CPNE7: variants seen among roughly 807,000 people sequenced by gnomAD.
CPNE7 encodes the protein copine-7.
In CPNE7, 78 loss-of-function variants were observed where a neutral mutation model predicts 66.5. The observed-to-expected ratio is 1.17, with a 90% CI of 0.98 to 1.42. The LOEUF is 1.42. Among genes scored for constraint, CPNE7 ranks in the 40% most tolerant of loss-of-function variants. CPNE7 has a pLI of 0.00. For missense variants in CPNE7, 1,012 were observed against 776.6 expected, an observed-to-expected ratio of 1.30 and a Z score of -3.60; for synonymous variants, 468 against 336.7, an observed-to-expected ratio of 1.39 and a Z score of -4.27.
chr16:89,582,868 C>G (rs2058976266), intron 2 of CPNE7, among the ~76,000 whole-genome samples: 1 of 152,266 alleles, frequency 6.6e-6, no homozygotes, highest in South Asian at 2.1e-4. Context: ...TCGATGGTTG[C>G]TGAGATCACT....
chr16:89,587,919 C>T (rs113434973), intron 9 of CPNE7, among the ~76,000 whole-genome samples: 50 of 39,400 alleles, frequency 1.3e-3, no homozygotes, highest in East Asian at 3.0e-3. Context: ...GCCCCCGTGT[C>T]ACCCGCGTGT....
chr16:89,587,759 G>GCGTGTCACCCACAGAAACACGGCCCC (rs1425079336), intron 9 of CPNE7: 1 of 43,030 alleles, frequency 2.3e-5, no homozygotes, highest in Admixed American at 2.0e-4. Context: ...CGTGTCACCC[G>GCGTGTCACCCACAGAAACACGGCCCC]CGTGTCACCC....
chr16:89,588,366 C>A (rs1261995274), intron 9 of CPNE7, among the ~76,000 whole-genome samples: 1 of 152,198 alleles, frequency 6.6e-6, no homozygotes, highest in African/African-American at 2.4e-5. Flanking sequence ...TTAGGCCCTG[C>A]CGGGGAGGGT....
At chr16:89,586,900 G>A in intron 8 of CPNE7, 143 bp from the exon 9 acceptor site, 2 of 1,098,432 alleles carry the variant, frequency 1.8e-6, no homozygotes, top group Non-Finnish European at 1.3e-6. Context: ...GAAGGGCGAG[G>A]TTGGGGAGAG....
chr16:89,595,741 C>T lies in CPNE7; in HGVS notation c.1539+138C>T, dbSNP rs80012305. On this transcript the variant is annotated intron_variant, in intron 14 of 14. Coordinates refer to ENST00000319518, the MANE Select transcript of CPNE7 (RefSeq NM_153636.3). ...TGTGTCTGGGGGATCCTGGGCTGTTCCCCCCAGTCAAGAGCAGTATCTGAA... is the reference window on the plus strand; with the variant it reads ...TGTGTCTGGGGGATCCTGGGCTGTTTCCCCCAGTCAAGAGCAGTATCTGAA... The T allele has an allele frequency of 1.6e-3, 1,267 of 812,284 alleles. 14 individuals are homozygous for T. In the African/African-American group the frequency reaches 0.019, roughly 12 times the overall value. 50.3% of individuals were successfully genotyped at this position (812,284 alleles called of 1,614,324 possible). A position where few individuals can be genotyped will look rare whatever the true frequency, so the allele number is the denominator to read the frequency against.
chr16:89,593,921 A>G (rs1389073940), intron 13 of CPNE7, among the ~76,000 whole-genome samples: 2 of 152,098 alleles, frequency 1.3e-5, no homozygotes, highest in East Asian at 1.9e-4. Context: ...TCATCTGTAA[A>G]TGTCAGTATC....
intron 11 of CPNE7, among the ~76,000 whole-genome samples, chr16:89,590,367 A>G (rs1315920722): frequency 6.6e-6 from 1 of 151,984 alleles, no homozygotes; most frequent in Non-Finnish European, 1.5e-5. Context: ...TCTACCAAAA[A>G]TACAAAAATT....
In CPNE7 at chr16:89,591,369, C is replaced by T. The variant is rs538695613; in HGVS notation, c.1302+109C>T. Reference sequence around the variant, plus strand: ...GCAGAGGGAACAGCCAGCGCAGAGGCCCCCAGGCAGGACAGAGCTCAGGAG... The same window carrying T: ...GCAGAGGGAACAGCCAGCGCAGAGGTCCCCAGGCAGGACAGAGCTCAGGAG... On this transcript the variant is annotated intron_variant, in intron 13 of 14. Transcript: ENST00000319518. 10 of 1,402,522 alleles carry T rather than the reference C, an allele frequency of 7.1e-6. No homozygotes were observed. The African/African-American group carries it at 1.2e-4, about 16-fold the overall frequency. 86.9% of individuals were successfully genotyped at this position (1,402,522 alleles called of 1,614,324 possible).
At chr16:89,596,131 C>T (rs780303105) in intron 14 of CPNE7, among the ~76,000 whole-genome samples, 4 of 152,274 alleles carry the variant, frequency 2.6e-5, no homozygotes, top group Admixed American at 6.5e-5. Flanking sequence ...TGACATTCTA[C>T]GCAGTGAAAC....
chr16:89,595,520 G>A lies in CPNE7; in HGVS notation c.1456G>A (p.Asp486Asn), dbSNP rs750223303. The A allele has an allele frequency of 5.6e-6, 9 of 1,612,488 alleles. No individual in the cohort carries two copies. The highest frequency in any genetic ancestry group is 3.3e-5 in the Admixed American group (2 of 59,980). The change falls in exon 14 of 15, where the codon GAC (aspartate) becomes AAC (asparagine). Residue 486 changes from aspartate to asparagine, a missense_variant. Transcript: ENST00000319518. ...CACCGACATGCAGGTCCTGGACGGC[G>A]ACGACGGCGTCCTGCGCTCCCCACG... is the stretch of plus-strand genomic sequence containing the variant. ...DFTDMQVLDG[D>N]DGVLRSPRGE...
rs757698942 is a variant in CPNE7, at chr16:89,592,013, GT to G, written c.1302+765del. 4.6e-4 allele frequency among the ~76,000 whole-genome samples: 56 copies of G among 121,534 alleles called. 1 individual carries two copies. Among genetic ancestry groups the G allele is most frequent in the East Asian group, 9.8e-4 (4 of 4,100 alleles). The allele number at this position is 121,534 out of a possible 152,430, so 79.7% of individuals were successfully genotyped here. On this transcript the variant is annotated intron_variant, in intron 13 of 14. Coordinates refer to ENST00000319518, the MANE Select transcript of CPNE7 (RefSeq NM_153636.3). ...CGTGCCCGGCATTCTTTTTTTTGTT[GT>G]TTTTTTTTTTTGAGACGGAGTCTCG...
At chr16:89,591,456 C>CTG (rs771169358) in intron 13 of CPNE7, among the ~76,000 whole-genome samples, 196 bp downstream of exon 13, 12 of 152,348 alleles carry the variant, frequency 7.9e-5, no homozygotes, top group Middle Eastern at 3.4e-3. Flanking sequence ...GGGCACAGGG[C>CTG]TGTCCATCGC....
Position 89,577,685 on chromosome 16 carries a change from C to G in CPNE7, c.321C>G (p.Asp107Glu). 6.2e-7 allele frequency: 1 copy of G among 1,601,100 alleles called. No individual in the cohort carries two copies. The highest frequency in any genetic ancestry group is 8.5e-7 in the Non-Finnish European group (1 of 1,174,230). ...CCAGCGGCTTCAGCTGTCAGGAGGA[C>G]GATTTCCTGGGGGGCATGGAGTGCA... ...HGPSGFSCQE[D>E]DFLGGMECTL... is the part of the protein sequence containing the mutation. The change falls in exon 2 of 15, where the codon GAC becomes GAG. Residue 107 changes from aspartate to glutamate, a missense_variant. Asp to Glu is a conservative substitution (Grantham distance 45). Transcript: ENST00000319518.
At chr16:89,588,576 C>G in intron 9 of CPNE7, 99 bp from the exon 10 acceptor site, 3 of 1,507,452 alleles carry the variant, frequency 2.0e-6, no homozygotes, top group South Asian at 2.4e-5. Context: ...GACCCCTGAC[C>G]CTGAGTCCTG....
At chr16:89,586,916 G>A (rs375245294) in intron 8 of CPNE7, 127 bp from the exon 9 acceptor site, 4 of 1,103,892 alleles carry the variant, frequency 3.6e-6, no homozygotes, top group Non-Finnish European at 5.4e-6. Flanking sequence ...GAGAGAGGAT[G>A]GGGGAGAGGA....
At position 89,595,399 on chromosome 16, in the gene CPNE7, C is replaced by G. The variant is rs12445560; in HGVS notation, c.1335C>G (p.Gly445=). ...ACATCCTGCTGATCCTGACGGACGG[C>G]GTGGTGACCGACATGGCCGACACAC... The part of the protein sequence containing the change: ...QYYILLILTD[G]VVTDMADTRE... The change falls in exon 14 of 15, where the codon GGC becomes GGG. Residue 445 remains glycine (G), a synonymous_variant. Coordinates refer to ENST00000319518, the MANE Select transcript of CPNE7 (RefSeq NM_153636.3). The G allele has an allele frequency of 8.8e-6, 14 of 1,593,400 alleles. No individual in the cohort carries two copies. The highest frequency in any genetic ancestry group is 1.2e-5 in the Non-Finnish European group (14 of 1,166,708).
At chr16:89,583,903 G>T (rs2058994687) in intron 3 of CPNE7, 125 bp from the exon 4 acceptor site, 2 of 1,437,936 alleles carry the variant, frequency 1.4e-6, no homozygotes, top group South Asian at 2.4e-5. Context: ...CACAGCCCCG[G>T]GGGTACACAG....
chr16:89,595,858 A>T (rs1357615373), intron 14 of CPNE7: 1 of 637,152 alleles, frequency 1.6e-6, no homozygotes, highest in East Asian at 3.1e-5. Flanking sequence ...GGCTCCTGGG[A>T]TCCACCACGC....
At position 89,591,102 on chromosome 16, in the gene CPNE7, C is replaced by T. The variant is rs2292951; in HGVS notation, c.1169-25C>T. 7.5e-3 allele frequency: 12,080 copies of T among 1,613,054 alleles called. 909 individuals are homozygous for T. In the East Asian group the frequency reaches 0.2, roughly 27 times the overall value. On this transcript the variant is annotated intron_variant, in intron 12 of 14. Transcript: ENST00000319518. ...CCTGGGGAGGGGAGTGCAGGGGGGC[C>T]GGGCTCACCCCCTGCCCCCCACAGG... is the stretch of plus-strand genomic sequence containing the variant.
Sources: gnomAD v4.1 joint callset for allele counts (sites outside exome capture counted in the v4.1 genomes callset) on GRCh38, gnomAD v4.1.1 for gene constraint, MANE v1.5 for transcripts, NCBI Gene and HGNC (gene_info 2026-07-23, HGNC 2026-07-21) for gene names.